PMF1: variants seen among roughly 807,000 people sequenced by gnomAD.
PMF1 encodes the protein polyamine modulated factor 1, also known as polyamine-modulated factor 1.
PMF1 carries 21 observed loss-of-function variants against 26.7 expected under a neutral mutation model. The observed-to-expected ratio is 0.79, with a 90% CI of 0.56 to 1.13. The LOEUF (loss-of-function observed/expected upper bound fraction) is 1.13, where lower values mean the gene tolerates loss of function less well. Among genes scored for constraint, PMF1 ranks in the 50% most tolerant of loss-of-function variants. PMF1 has a pLI of 0.00. For missense variants in PMF1, 266 were observed against 254.9 expected, an observed-to-expected ratio of 1.04 and a Z score of -0.30; for synonymous variants, 105 against 101.0, an observed-to-expected ratio of 1.04 and a Z score of -0.24.
intron 3 of PMF1, among the ~76,000 whole-genome samples, chr1:156,235,949 A>G (rs1354984868): frequency 6.6e-6 from 1 of 152,182 alleles, no homozygotes; most frequent in Non-Finnish European, 1.5e-5. Flanking sequence ...TCACAAGGAC[A>G]GAGGCAGGGG....
At chr1:156,236,055 G>A (rs573906624) in intron 3 of PMF1, among the ~76,000 whole-genome samples, 3 of 152,192 alleles carry the variant, frequency 2.0e-5, no homozygotes, top group African/African-American at 2.4e-5. Flanking sequence ...GATAGGGGCT[G>A]AAGTGAGAAG....
At chr1:156,219,161 C>T (rs1488849205) in intron 1 of PMF1, among the ~76,000 whole-genome samples, 2 of 152,050 alleles carry the variant, frequency 1.3e-5, no homozygotes, top group East Asian at 1.9e-4. Context: ...TCAGGTGATT[C>T]GCCCGCCTCA....
rs982658687 is a variant in PMF1, at chr1:156,239,895, C to T, written c.*294C>T. ...AGGTCAGCTCTGCCCCTCCGCCCCC[C>T]TCCTGCTGGTTCCCCAGCCCTTTTC... On this transcript the variant is annotated 3_prime_UTR_variant, in exon 5 of 5. Coordinates refer to ENST00000368277, the MANE Select transcript of PMF1 (RefSeq NM_007221.4). 16 of 384,716 alleles carry T rather than the reference C, an allele frequency of 4.2e-5. No homozygotes were observed. Among genetic ancestry groups the T allele is most frequent in the African/African-American group, 2.3e-4 (11 of 48,734 alleles). The allele number at this position is 384,716 out of a possible 1,614,324, so 23.8% of individuals were successfully genotyped here. A position where few individuals can be genotyped will look rare whatever the true frequency, so the allele number is the denominator to read the frequency against.
chr1:156,221,231 G>A (rs749064490), intron 1 of PMF1, among the ~76,000 whole-genome samples: 5 of 152,076 alleles, frequency 3.3e-5, no homozygotes, highest in South Asian at 4.2e-4. Flanking sequence ...TTCTAGGCCC[G>A]GGCTACCTCT....
intron 3 of PMF1, among the ~76,000 whole-genome samples, chr1:156,235,425 T>A (rs970097384): frequency 2.8e-5 from 4 of 143,966 alleles, no homozygotes; most frequent in African/African-American, 7.6e-5. Context: ...CGCTCAGCCA[T>A]TGAAAAATAA....
At chr1:156,215,002 C>T (rs1049278736) in intron 1 of PMF1, among the ~76,000 whole-genome samples, 25 of 151,716 alleles carry the variant, frequency 1.6e-4, no homozygotes, top group Admixed American at 1.2e-3. Context: ...CTCAGCCTCC[C>T]GAGTAGTTGA....
Position 156,236,331 on chromosome 1 carries a change from G to A in PMF1, c.412G>A (p.Ala138Thr). 1 of 1,614,186 alleles carries A rather than the reference G, an allele frequency of 6.2e-7. No individual in the cohort carries two copies. The highest frequency in any genetic ancestry group is 8.5e-7 in the Non-Finnish European group (1 of 1,180,020). The change falls in exon 4 of 5, where the codon GCA becomes ACA. Residue 138 changes from alanine to threonine, a missense_variant. By Grantham distance (58) the Ala-to-Thr change is moderately conservative. Coordinates refer to ENST00000368277, the MANE Select transcript of PMF1 (RefSeq NM_007221.4). ...IPEKDLHSVMAPYFLQQRDTL... is the reference protein window; with the variant it reads ...IPEKDLHSVMTPYFLQQRDTL... ...AGAGAAGGATCTGCACAGTGTTATG[G>A]CACCCTACTTCCTGCAGCAACGGGA...
chr1:156,227,367 G>A (rs1658423524), intron 1 of PMF1, among the ~76,000 whole-genome samples: 2 of 151,750 alleles, frequency 1.3e-5, no homozygotes, highest in African/African-American at 4.8e-5. Context: ...AGCTGGGCGT[G>A]GTGGTAGGCA....
chr1:156,227,204 A>C (rs1658414979), intron 1 of PMF1, among the ~76,000 whole-genome samples: 1 of 152,164 alleles, frequency 6.6e-6, no homozygotes, highest in Non-Finnish European at 1.5e-5. Flanking sequence ...AATGGTCATG[A>C]ATTAAAAATT....
At chr1:156,219,107 C>G (rs1448465593) in intron 1 of PMF1, among the ~76,000 whole-genome samples, 1 of 150,984 alleles carries the variant, frequency 6.6e-6, no homozygotes, top group African/African-American at 2.4e-5. Flanking sequence ...TAGTAGAGAC[C>G]GGGGTTTCAC....
At chr1:156,218,799 C>T (rs1178757175) in intron 1 of PMF1, among the ~76,000 whole-genome samples, 1 of 151,596 alleles carries the variant, frequency 6.6e-6, no homozygotes, top group Non-Finnish European at 1.5e-5. Context: ...AAAACAAAAA[C>T]AAAAAAACAG....
intron 1 of PMF1, among the ~76,000 whole-genome samples, chr1:156,221,977 C>T (rs539085083): frequency 1.3e-5 from 2 of 152,348 alleles, no homozygotes; most frequent in South Asian, 4.1e-4. Flanking sequence ...TTGCACCTGC[C>T]TCCAAACTGG....
intron 1 of PMF1, among the ~76,000 whole-genome samples, chr1:156,231,585 C>T (rs941630779): frequency 6.6e-6 from 1 of 151,754 alleles, no homozygotes; most frequent in African/African-American, 2.4e-5. Context: ...TGCCTGTAAT[C>T]CCAGCTACTT....
intron 1 of PMF1, among the ~76,000 whole-genome samples, chr1:156,224,780 TAAAA>T (rs577090473): frequency 1.3e-5 from 2 of 151,426 alleles, no homozygotes; most frequent in East Asian, 3.9e-4. Context: ...AAAAAGAAAA[TAAAA>T]AAGAAACATT....
intron 1 of PMF1, among the ~76,000 whole-genome samples, chr1:156,229,199 C>T (rs1293513558): frequency 3.3e-5 from 5 of 152,062 alleles, no homozygotes; most frequent in Non-Finnish European, 7.4e-5. Context: ...TGAGCCACCG[C>T]GCCTGGCCTA....
intron 1 of PMF1, among the ~76,000 whole-genome samples, chr1:156,224,523 TC>T (rs374194523): frequency 2.6e-3 from 394 of 152,324 alleles, no homozygotes; most frequent in African/African-American, 8.9e-3. Context: ...ACGCCTGTAA[TC>T]CCAGCACTTT....
At chr1:156,231,321 AGGAGTT>A in intron 1 of PMF1, among the ~76,000 whole-genome samples, 1 of 151,020 alleles carries the variant, frequency 6.6e-6, no homozygotes, top group Non-Finnish European at 1.5e-5. Flanking sequence ...CCTTGAGCCC[AGGAGTT>A]GGAGTTGGAG....
intron 2 of PMF1, 66 bp from the exon 3 acceptor site, chr1:156,233,562 A>C: frequency 1.3e-6 from 2 of 1,511,178 alleles, no homozygotes; most frequent in Non-Finnish European, 1.8e-6. Flanking sequence ...TGCTGTCAGC[A>C]GTTTAGCATA....
chr1:156,234,270 TA>T (rs1457381134), intron 3 of PMF1, among the ~76,000 whole-genome samples: 3 of 151,274 alleles, frequency 2.0e-5, no homozygotes, highest in Non-Finnish European at 4.4e-5. Flanking sequence ...TTGAGGGGAT[TA>T]GGGAGGGAAG....
Sources: allele counts gnomAD v4.1 joint callset (sites outside exome capture counted in the v4.1 genomes callset), GRCh38; gene constraint gnomAD v4.1.1; transcripts MANE v1.5; gene names NCBI Gene and HGNC (gene_info 2026-07-23, HGNC 2026-07-21).